TBC1D1: variants seen among roughly 807,000 people sequenced by gnomAD.
TBC1D1 encodes the protein TBC1 domain family member 1, also known as TBC1 (tre-2/USP6, BUB2, cdc16) domain family, member 1.
In TBC1D1, 89 loss-of-function variants were observed where a neutral mutation model predicts 125.6. That is an observed-to-expected ratio of 0.71 (90% CI 0.60 to 0.85). The LOEUF is 0.85. Among genes scored for constraint, TBC1D1 ranks in the 40% least tolerant of loss-of-function variants. TBC1D1 has a pLI of 0.00. For synonymous variants in TBC1D1, 565 were observed against 564.1 expected (o/e 1.00, Z -0.02); for missense variants, 1,377 against 1,469.2 (o/e 0.94, Z 1.03).
chr4:38,125,018 G>T lies in TBC1D1; in HGVS notation c.3019G>T (p.Gly1007Ter). The change falls in exon 18 of 20, where the codon GGA (glycine) becomes TGA (stop). Residue 1007 changes from glycine to a stop codon, truncating the protein, a stop_gained. Transcript: ENST00000261439. LOFTEE classifies it high-confidence loss of function. ...ATTTAAAGTGGCTTTAAGTCTGTTG[G>T]GAAGCCATAAGCCCTTGATTCTGCA... is the stretch of plus-strand genomic sequence containing the variant. 1.2e-6 allele frequency: 2 copies of T among 1,613,978 alleles called. No homozygotes were observed. Among genetic ancestry groups the T allele is most frequent in the Non-Finnish European group, 1.7e-6 (2 of 1,179,964 alleles).
chr4:37,931,721 C>T lies in TBC1D1; in HGVS notation c.417+29209C>T, dbSNP rs536769339. Among the ~76,000 whole-genome samples the T allele has an allele frequency of 7.9e-5, 12 of 152,278 alleles. 1 individual carries two copies. In the South Asian group the frequency reaches 2.5e-3, roughly 32 times the overall value. On this transcript the variant is annotated intron_variant, in intron 2 of 19. Transcript: ENST00000261439. ...TTGAACTCTTGACCTCGTGATCCAC[C>T]CGCCTTGGCCTCCCAAAGTGCTAGA...
At chr4:37,940,859 TC>T (rs1449069211) in intron 2 of TBC1D1, among the ~76,000 whole-genome samples, 1 of 152,216 alleles carries the variant, frequency 6.6e-6, no homozygotes, top group Non-Finnish European at 1.5e-5. Context: ...AAGCCTTGAA[TC>T]CCAGGGATGA....
intron 2 of TBC1D1, among the ~76,000 whole-genome samples, chr4:37,953,153 A>C (rs370207687): frequency 7.2e-5 from 11 of 152,358 alleles, no homozygotes; most frequent in African/African-American, 2.6e-4. Context: ...TTTGGAATGA[A>C]AGCATGAATG....
chr4:37,933,521 C>A (rs1280209049), intron 2 of TBC1D1, among the ~76,000 whole-genome samples: 2 of 151,532 alleles, frequency 1.3e-5, no homozygotes, highest in Admixed American at 6.6e-5. Flanking sequence ...GAGAATAGAA[C>A]CCAACTGGTA....
chr4:38,121,219 C>T (rs547074949), intron 17 of TBC1D1, among the ~76,000 whole-genome samples: 87 of 152,246 alleles, frequency 5.7e-4, no homozygotes, highest in South Asian at 1.2e-3. Flanking sequence ...ACTGGAGGAC[C>T]GCAGCCTTCC....
intron 12 of TBC1D1, among the ~76,000 whole-genome samples, chr4:38,060,441 C>T (rs1345350760): frequency 6.6e-6 from 1 of 152,178 alleles, no homozygotes; most frequent in Non-Finnish European, 1.5e-5. Flanking sequence ...GACAGTATCT[C>T]CTTGTGGTTT....
At chr4:37,900,353 G>C (rs1715663093) in intron 1 of TBC1D1, among the ~76,000 whole-genome samples, 1 of 151,862 alleles carries the variant, frequency 6.6e-6, no homozygotes. Flanking sequence ...TTACCTTGGA[G>C]GGAAGGAAGA....
chr4:38,046,017 C>T, intron 10 of TBC1D1, 114 bp downstream of exon 10: 1 of 902,170 alleles, frequency 1.1e-6, no homozygotes, highest in South Asian at 1.4e-5. Context: ...AATTTCTTGG[C>T]ACAGGTGGAG....
intron 12 of TBC1D1, 53 bp from the exon 15 acceptor site, chr4:38,089,879 T>A: frequency 6.7e-7 from 1 of 1,502,476 alleles, no homozygotes; most frequent in Non-Finnish European, 8.9e-7. Context: ...TGTGTTTGAA[T>A]GTGCATTTTT....
At chr4:38,131,984 T>A (rs1201475453) in intron 18 of TBC1D1, among the ~76,000 whole-genome samples, 1 of 152,090 alleles carries the variant, frequency 6.6e-6, no homozygotes, top group Non-Finnish European at 1.5e-5. Flanking sequence ...TTGGGAATGG[T>A]GAGAAAGGAA....
chr4:37,961,160 C>T (rs1729966316), intron 2 of TBC1D1: 5 of 1,076,700 alleles, frequency 4.6e-6, no homozygotes, highest in Non-Finnish European at 6.7e-6. Context: ...GTGCATCTGT[C>T]TCAGCTGTCC....
intron 12 of TBC1D1, among the ~76,000 whole-genome samples, chr4:38,056,810 G>A (rs187610534): frequency 2.7e-5 from 4 of 149,934 alleles, no homozygotes; most frequent in Admixed American, 6.6e-5. Context: ...CTTGTCTCGC[G>A]GGGTGGGGGA....
intron 2 of TBC1D1, among the ~76,000 whole-genome samples, chr4:37,955,245 C>G (rs1409289217): frequency 6.6e-6 from 1 of 152,124 alleles, no homozygotes; most frequent in Non-Finnish European, 1.5e-5. Context: ...ATGTATCTCT[C>G]CCAGTTTTTT....
intron 2 of TBC1D1, among the ~76,000 whole-genome samples, chr4:37,903,100 C>T (rs1297052899): frequency 1.3e-5 from 2 of 152,176 alleles, no homozygotes; most frequent in African/African-American, 2.4e-5. Context: ...TTGATAAGAA[C>T]GCTGGATATG....
chr4:38,055,478 G>A (rs1455795598), intron 12 of TBC1D1, among the ~76,000 whole-genome samples: 1 of 152,048 alleles, frequency 6.6e-6, no homozygotes, highest in African/African-American at 2.4e-5. Flanking sequence ...TCATAGTACT[G>A]GAAAGAAAAT....
At chr4:37,893,570 G>T (rs1039666428) in intron 1 of TBC1D1, among the ~76,000 whole-genome samples, 6 of 152,198 alleles carry the variant, frequency 3.9e-5, no homozygotes, top group African/African-American at 1.4e-4. Context: ...TGTAATCCCA[G>T]CACTTTGGGA....
chr4:38,038,365 C>T (rs1254938539), intron 8 of TBC1D1, among the ~76,000 whole-genome samples: 1 of 152,066 alleles, frequency 6.6e-6, no homozygotes, highest in East Asian at 1.9e-4. Context: ...CACTCATATA[C>T]CCACCATCCA....
intron 12 of TBC1D1, among the ~76,000 whole-genome samples, chr4:38,062,362 T>C (rs1301450703): frequency 6.6e-6 from 1 of 150,760 alleles, no homozygotes; most frequent in Non-Finnish European, 1.5e-5. Context: ...GGAGAGCTAC[T>C]TTCTGAAATC....
At chr4:37,969,220 A>T (rs1193535397) in intron 2 of TBC1D1, among the ~76,000 whole-genome samples, 10 of 152,240 alleles carry the variant, frequency 6.6e-5, no homozygotes, top group Non-Finnish European at 1.3e-4. Flanking sequence ...CATTTAAGAC[A>T]TATCATTCAC....
Sources: gnomAD v4.1 joint callset for allele counts (sites outside exome capture counted in the v4.1 genomes callset) on GRCh38, gnomAD v4.1.1 for gene constraint, MANE v1.5 for transcripts, NCBI Gene and HGNC (gene_info 2026-07-23, HGNC 2026-07-21) for gene names.